Variants in EFHC1 observed in about 807,000 individuals in gnomAD.
EFHC1 encodes the protein EF-hand domain containing 1.
Under a neutral mutation model 69.9 loss-of-function variants are expected in EFHC1, and 53 were observed. That is an observed-to-expected ratio of 0.76 (90% CI 0.61 to 0.95). The LOEUF (loss-of-function observed/expected upper bound fraction) is 0.95, where lower values mean the gene tolerates loss of function less well. Among genes scored for constraint, EFHC1 ranks in the 40% least tolerant of loss-of-function variants. The probability of loss-of-function intolerance (pLI) is 0.00; values close to 1 mark genes in which losing one functional copy is unlikely to be tolerated. For missense variants in EFHC1, 739 were observed against 798.7 expected, an observed-to-expected ratio of 0.93 and a Z score of 0.90; for synonymous variants, 256 against 278.4, an observed-to-expected ratio of 0.92 and a Z score of 0.80.
chr6:52,458,155 G>A (rs1224701643), intron 5 of EFHC1, among the ~76,000 whole-genome samples: 1 of 152,104 alleles, frequency 6.6e-6, no homozygotes, highest in African/African-American at 2.4e-5. Context: ...AATAGCCTAT[G>A]CAAAAGTAAA....
intron 10 of EFHC1, among the ~76,000 whole-genome samples, chr6:52,491,734 A>C (rs1178240916): frequency 6.6e-6 from 1 of 152,186 alleles, no homozygotes; most frequent in African/African-American, 2.4e-5. Flanking sequence ...GAAAGAAGAG[A>C]GCTCCCTGCT....
At chr6:52,442,304 TTTA>T (rs1764682302) in intron 3 of EFHC1, among the ~76,000 whole-genome samples, 9 of 152,126 alleles carry the variant, frequency 5.9e-5, no homozygotes, top group African/African-American at 1.9e-4. Context: ...ATTTATTTAT[TTTA>T]TTATTATACT....
At position 52,459,920 on chromosome 6, in the gene EFHC1, C is replaced by T. The variant is rs528826230; in HGVS notation, c.917-4975C>T. ...CGATCTCCTGACCTCGTGATCCACC[C>T]GCCTCGGCCTCCCAAAGTAATCTGA... is the stretch of plus-strand genomic sequence containing the variant. On this transcript the variant is annotated intron_variant, in intron 5 of 10. Transcript: ENST00000371068. Among the ~76,000 whole-genome samples the T allele has an allele frequency of 2.2e-4, 34 of 152,236 alleles. No homozygotes were observed. The East Asian group carries it at 4.8e-3, about 22-fold the overall frequency.
At chr6:52,453,110 T>A in intron 4 of EFHC1, 1 of 1,435,064 alleles carries the variant, frequency 7.0e-7, no homozygotes, top group Non-Finnish European at 9.2e-7. Context: ...ATTCCTGAGC[T>A]ACATCTGCTT....
chr6:52,455,809 G>C (rs534193347), intron 5 of EFHC1, among the ~76,000 whole-genome samples: 3 of 152,174 alleles, frequency 2.0e-5, no homozygotes, highest in Non-Finnish European at 4.4e-5. Flanking sequence ...AGTATTATTT[G>C]TGGGCAAGGA....
chr6:52,424,021 A>T lies in EFHC1; in HGVS notation c.139A>T (p.Ile47Leu), dbSNP rs1764249771. The T allele has an allele frequency of 1.9e-6, 3 of 1,614,120 alleles. No individual in the cohort carries two copies. Among genetic ancestry groups the T allele is most frequent in the Non-Finnish European group, 2.5e-6 (3 of 1,180,018 alleles). ...YAIVRRPTVG[I>L]GGDRLQFNQL... Reference sequence around the variant, plus strand: ...AATTGTTCGACGTCCAACAGTTGGGATAGGCGGAGACCGGCTCCAGTTCAA... The same window carrying T: ...AATTGTTCGACGTCCAACAGTTGGGTTAGGCGGAGACCGGCTCCAGTTCAA... Residue 47 changes from isoleucine to leucine, a missense_variant, in exon 2 of 11, where the codon ATA (isoleucine) becomes TTA (leucine). Ile to Leu is a conservative substitution (Grantham distance 5). Coordinates refer to ENST00000371068, the MANE Select transcript of EFHC1 (RefSeq NM_018100.4).
intron 9 of EFHC1, chr6:52,486,056 C>G (rs533783531): frequency 6.6e-6 from 1 of 152,236 alleles, no homozygotes; most frequent in African/African-American, 2.4e-5. Flanking sequence ...GCGTTTAGCT[C>G]CCGACTCACC....
Position 52,466,833 on chromosome 6 carries a change from C to T in EFHC1, c.1137+1718C>T, listed in dbSNP as rs1765316851. 2.0e-5 allele frequency among the ~76,000 whole-genome samples: 3 copies of T among 152,144 alleles called. No homozygotes were observed. The South Asian group carries it at 6.2e-4, about 31-fold the overall frequency. On this transcript the variant is annotated intron_variant, in intron 6 of 10. Coordinates refer to ENST00000371068, the MANE Select transcript of EFHC1 (RefSeq NM_018100.4). ...ATGCTGTGAGTTCCCAGAGGCAATA[C>T]AATTTCTGGAAGGAAGTGTGGGTGA...
rs530102698 is a variant in EFHC1, at chr6:52,453,866, A to G, written c.724-229A>G. On this transcript the variant is annotated intron_variant, in intron 4 of 10. Coordinates refer to ENST00000371068, the MANE Select transcript of EFHC1 (RefSeq NM_018100.4). Reference sequence around the variant, plus strand: ...AGTGAGCTCTTCTTTTTTGGCACAAACTTATAATCCTATTATTTAATTCTT... The same window carrying G: ...AGTGAGCTCTTCTTTTTTGGCACAAGCTTATAATCCTATTATTTAATTCTT... The G allele has an allele frequency of 8.0e-6, 11 of 1,368,750 alleles. No individual in the cohort carries two copies. The East Asian group carries it at 3.5e-4, about 44-fold the overall frequency. 84.8% of individuals were successfully genotyped at this position (1,368,750 alleles called of 1,614,324 possible). A position where few individuals can be genotyped will look rare whatever the true frequency, so the allele number is the denominator to read the frequency against.
chr6:52,421,177 G>C, intron 1 of EFHC1: 1 of 496,190 alleles, frequency 2.0e-6, no homozygotes, highest in Non-Finnish European at 2.6e-6. Context: ...TTCTTTCTCC[G>C]TTGCGGGTTT....
At chr6:52,447,289 C>T (rs1300484359) in intron 3 of EFHC1, among the ~76,000 whole-genome samples, 1 of 152,170 alleles carries the variant, frequency 6.6e-6, no homozygotes, top group Non-Finnish European at 1.5e-5. Flanking sequence ...CTAAACTTCT[C>T]TTCTCACTTC....
intron 5 of EFHC1, among the ~76,000 whole-genome samples, chr6:52,456,232 T>C (rs953614520): frequency 7.2e-5 from 11 of 152,252 alleles, no homozygotes; most frequent in South Asian, 2.1e-4. Context: ...TAGTTCAACA[T>C]AGTTTGGCTT....
chr6:52,495,125 G>C lies in EFHC1; in HGVS notation c.*2784G>C. 1 of 454,014 alleles carries C rather than the reference G, an allele frequency of 2.2e-6. No individual in the cohort carries two copies. Among genetic ancestry groups the C allele is most frequent in the Non-Finnish European group, 4.4e-6 (1 of 226,770 alleles). 28.1% of individuals were successfully genotyped at this position (454,014 alleles called of 1,614,324 possible). Reference sequence around the variant, plus strand: ...CCAAGGCTCCTTCTGATCTTCCCAGGAGGCCCTTTCAGGCTGACACACCTT... The same window carrying C: ...CCAAGGCTCCTTCTGATCTTCCCAGCAGGCCCTTTCAGGCTGACACACCTT... On this transcript the variant is annotated 3_prime_UTR_variant, in exon 11 of 11. Transcript: ENST00000371068.
intron 2 of EFHC1, among the ~76,000 whole-genome samples, chr6:52,425,734 G>T (rs186105455): frequency 7.6e-4 from 115 of 152,238 alleles, no homozygotes; most frequent in Non-Finnish European, 4.3e-4. Flanking sequence ...AACTAAGTTT[G>T]TTTGTTTATA....
Position 52,495,649 on chromosome 6 carries a change from T to G in EFHC1, c.*3308T>G, listed in dbSNP as rs1487586250. On this transcript the variant is annotated 3_prime_UTR_variant, in exon 11 of 11. Coordinates refer to ENST00000371068, the MANE Select transcript of EFHC1 (RefSeq NM_018100.4). Reference sequence around the variant, plus strand: ...CTGTTGCCAGACTGGAATGCGGTGGTGTGACCATAGCTCACTGCAGCCTCA... The same window carrying G: ...CTGTTGCCAGACTGGAATGCGGTGGGGTGACCATAGCTCACTGCAGCCTCA... The G allele has an allele frequency of 4.4e-6, 2 of 450,624 alleles. No homozygotes were observed. Among genetic ancestry groups the G allele is most frequent in the Non-Finnish European group, 8.9e-6 (2 of 224,530 alleles). 27.9% of individuals were successfully genotyped at this position (450,624 alleles called of 1,614,324 possible). A position where few individuals can be genotyped will look rare whatever the true frequency, so the allele number is the denominator to read the frequency against.
chr6:52,472,568 A>C (rs564766748), intron 7 of EFHC1, among the ~76,000 whole-genome samples: 2 of 152,262 alleles, frequency 1.3e-5, no homozygotes, highest in African/African-American at 4.8e-5. Flanking sequence ...GTATAAATTA[A>C]ATTCCTTGGT....
intron 7 of EFHC1, among the ~76,000 whole-genome samples, chr6:52,473,572 G>C (rs1206637181): frequency 6.6e-6 from 1 of 152,122 alleles, no homozygotes; most frequent in Non-Finnish European, 1.5e-5. Flanking sequence ...CCCCAGCTCA[G>C]GAGTTTGAGA....
chr6:52,477,738 A>C (rs1042151395), intron 7 of EFHC1, among the ~76,000 whole-genome samples: 1 of 152,318 alleles, frequency 6.6e-6, no homozygotes, highest in East Asian at 1.9e-4. Flanking sequence ...ACCATCTCAC[A>C]CCAGTTAGAA....
At chr6:52,429,501 G>GT (rs1764372306) in intron 2 of EFHC1, among the ~76,000 whole-genome samples, 1 of 152,140 alleles carries the variant, frequency 6.6e-6, no homozygotes, top group Non-Finnish European at 1.5e-5. Context: ...TCAGTTGGCT[G>GT]TAAGTATTTG....
Sources: gnomAD v4.1 joint callset for allele counts (sites outside exome capture counted in the v4.1 genomes callset) on GRCh38, gnomAD v4.1.1 for gene constraint, MANE v1.5 for transcripts, NCBI Gene and HGNC (gene_info 2026-07-23, HGNC 2026-07-21) for gene names.